ACYP2: variants seen among roughly 807,000 people sequenced by gnomAD.
The protein encoded by ACYP2 is acylphosphatase 2, also known as acylphosphatase-2.
ACYP2 carries 12 observed loss-of-function variants against 11.2 expected under a neutral mutation model. The ratio of observed to expected loss-of-function variants is 1.08; its 90% CI spans 0.69 to 1.74. The LOEUF is 1.74. Among genes scored for constraint, ACYP2 ranks in the 40% most tolerant of loss-of-function variants. The probability of loss-of-function intolerance (pLI) is 0.00; values close to 1 mark genes in which losing one functional copy is unlikely to be tolerated. For missense variants in ACYP2, 134 were observed against 101.9 expected (o/e 1.31, Z -1.35); for synonymous variants, 43 against 32.2 (o/e 1.33, Z -1.13).
intron 6 of ACYP2, among the ~76,000 whole-genome samples, chr2:54,223,243 A>G (rs539651436): frequency 2.6e-5 from 4 of 152,328 alleles, no homozygotes; most frequent in East Asian, 3.9e-4. Flanking sequence ...AACATTGACA[A>G]TTTTGTTCAA....
chr2:54,033,015 G>C (rs1573564776), intron 2 of ACYP2, among the ~76,000 whole-genome samples: 1 of 152,120 alleles, frequency 6.6e-6, no homozygotes, highest in Non-Finnish European at 1.5e-5. Flanking sequence ...AAAAACCATT[G>C]TATGTACAGT....
intron 6 of ACYP2, among the ~76,000 whole-genome samples, chr2:54,291,217 A>G (rs1689290442): frequency 6.6e-6 from 1 of 152,124 alleles, no homozygotes; most frequent in Admixed American, 6.5e-5. Context: ...TCCTAACAGC[A>G]CACGTTGGTG....
At chr2:54,068,291 C>G (rs1227455856) in intron 4 of ACYP2, among the ~76,000 whole-genome samples, 2 of 152,148 alleles carry the variant, frequency 1.3e-5, no homozygotes, top group Non-Finnish European at 2.9e-5. Flanking sequence ...TATAAAAGAT[C>G]TACCTTATAA....
rs190490241 is a variant in ACYP2 at position 54,017,221 on chromosome 2, C to G, written c.63-33737C>G. 5.3e-3 allele frequency among the ~76,000 whole-genome samples: 797 copies of G among 151,726 alleles called. 2 individuals are homozygous for G. The highest frequency in any genetic ancestry group is 0.01 in the Middle Eastern group (3 of 294). The stretch of plus-strand genomic sequence containing the variant: ...AGGTCTTAATTACCTCCTAAAGGCC[C>G]CCTCTCTTTATACAATCATATTGGC... On this transcript the variant is annotated intron_variant, in intron 2 of 6. Transcript: ENST00000607452.
intron 2 of ACYP2, among the ~76,000 whole-genome samples, chr2:53,974,417 G>A (rs1464505804): frequency 6.6e-6 from 1 of 152,172 alleles, no homozygotes; most frequent in African/African-American, 2.4e-5. Flanking sequence ...CTGGAAGTTG[G>A]AGAAGTTCTT....
chr2:54,150,554 T>G (rs1351713497), intron 6 of ACYP2, among the ~76,000 whole-genome samples: 1 of 152,126 alleles, frequency 6.6e-6, no homozygotes, highest in African/African-American at 2.4e-5. Context: ...CCTGAGTAGC[T>G]GAGATTACAG....
Position 54,304,930 on chromosome 2 carries a change from G to C in ACYP2, c.*128G>C, listed in dbSNP as rs367741645. On this transcript the variant is annotated 3_prime_UTR_variant, in exon 7 of 7. Coordinates refer to ENST00000607452, the MANE Select transcript of ACYP2 (RefSeq NM_001320586.2). ...TGTTCTGAAAGCTAAGCGACTGTAC[G>C]TGCTACTAAAAATGTCTGACACTGA... 3 of 444,226 alleles carry C rather than the reference G, an allele frequency of 6.8e-6. No homozygotes were observed. Among genetic ancestry groups the C allele is most frequent in the Non-Finnish European group, 1.2e-5 (3 of 257,716 alleles). The allele number at this position is 444,226 out of a possible 1,614,324, so 27.5% of individuals were successfully genotyped here. A position where few individuals can be genotyped will look rare whatever the true frequency, so the allele number is the denominator to read the frequency against.
intron 2 of ACYP2, among the ~76,000 whole-genome samples, chr2:53,985,561 A>C (rs1184314799): frequency 6.6e-6 from 1 of 152,210 alleles, no homozygotes; most frequent in Non-Finnish European, 1.5e-5. Context: ...AAGAGTCTAA[A>C]ATACAGAACT....
chr2:54,035,020 A>AAAAAAAAAAAAAAAAT (rs1674808702), intron 2 of ACYP2, among the ~76,000 whole-genome samples: 1 of 120,934 alleles, frequency 8.3e-6, no homozygotes, highest in African/African-American at 3.6e-5. Context: ...AAAAAAAAAA[A>AAAAAAAAAAAAAAAAT]AAAAAAAAAA....
At chr2:54,044,446 G>GA (rs35003111) in intron 2 of ACYP2, among the ~76,000 whole-genome samples, 3,309 of 139,348 alleles carry the variant, frequency 0.024, 30 homozygotes, top group Non-Finnish European at 0.028. Context: ...AATACCAAAA[G>GA]AAAAAAAAAA....
At chr2:54,100,176 T>C (rs1385173047) in intron 4 of ACYP2, among the ~76,000 whole-genome samples, 2 of 150,276 alleles carry the variant, frequency 1.3e-5, no homozygotes, top group East Asian at 3.9e-4. Context: ...TTACATGTTT[T>C]GACTTTCCAG....
intron 6 of ACYP2, among the ~76,000 whole-genome samples, chr2:54,293,426 G>A (rs560126775): frequency 6.6e-6 from 1 of 152,204 alleles, no homozygotes; most frequent in East Asian, 1.9e-4. Flanking sequence ...CCTGGGCATA[G>A]CTCAAGCCTG....
chr2:54,201,660 TTCTTTCTTTCTTTCTTTCTTTCTCTC>T (rs1684824426), intron 6 of ACYP2, among the ~76,000 whole-genome samples: 2 of 94,070 alleles, frequency 2.1e-5, no homozygotes, highest in African/African-American at 7.7e-5. Flanking sequence ...CTTTCTTTCT[TTCTTTCTTTCTTTCTTTCTTTCTCTC>T]TCTCTCTCTC....
chr2:54,112,045 CAT>C (rs1679487065), intron 4 of ACYP2, among the ~76,000 whole-genome samples: 1 of 152,084 alleles, frequency 6.6e-6, no homozygotes, highest in Non-Finnish European at 1.5e-5. Context: ...TATTATCTAT[CAT>C]ATGTATTATT....
intron 4 of ACYP2, among the ~76,000 whole-genome samples, chr2:54,119,827 C>T (rs1408425107): frequency 6.6e-6 from 1 of 152,152 alleles, no homozygotes; most frequent in Admixed American, 6.5e-5. Flanking sequence ...TCCAGGATCC[C>T]ATCCAGATAC....
At chr2:54,140,748 T>C (rs2103787750) in intron 6 of ACYP2, among the ~76,000 whole-genome samples, 1 of 152,336 alleles carries the variant, frequency 6.6e-6, no homozygotes, top group South Asian at 2.1e-4. Context: ...ATTATTACCT[T>C]ATTGCTGGAA....
chr2:54,201,229 C>T (rs1684741611), intron 6 of ACYP2, among the ~76,000 whole-genome samples: 1 of 152,024 alleles, frequency 6.6e-6, no homozygotes, highest in African/African-American at 2.4e-5. Context: ...CCTCAGCTTC[C>T]CGAGTAGCAG....
intron 4 of ACYP2, among the ~76,000 whole-genome samples, chr2:54,081,918 C>T (rs1677676588): frequency 6.6e-6 from 1 of 152,144 alleles, no homozygotes; most frequent in South Asian, 2.1e-4. Context: ...GATGATTAGG[C>T]CACATGTCTG....
intron 6 of ACYP2, among the ~76,000 whole-genome samples, chr2:54,289,638 C>T (rs559985491): frequency 1.3e-4 from 20 of 151,846 alleles, no homozygotes; most frequent in Admixed American, 1.0e-3. Context: ...ACATTTGTGC[C>T]GAAAAATATT....
Sources: gnomAD v4.1 joint callset for allele counts (sites outside exome capture counted in the v4.1 genomes callset) on GRCh38, gnomAD v4.1.1 for gene constraint, MANE v1.5 for transcripts, NCBI Gene and HGNC (gene_info 2026-07-23, HGNC 2026-07-21) for gene names.